Variants in NAV2 observed in about 807,000 individuals in gnomAD.
NAV2 encodes helicase, APC down-regulated 1.
Under a neutral mutation model 223.2 loss-of-function variants are expected in NAV2, and 54 were observed. That is an observed-to-expected ratio of 0.24 (90% CI 0.19 to 0.30). The LOEUF is 0.30. Ranked by LOEUF, NAV2 falls within the 10% of genes least tolerant of loss-of-function variation. The pLI is 1.00. For synonymous variants in NAV2, 1,279 were observed against 1,239.3 expected (o/e 1.03, Z -0.67); for missense variants, 2,806 against 3,147.5 (o/e 0.89, Z 2.60).
chr11:20,032,356 A>G (rs940245081), intron 11 of NAV2, among the ~76,000 whole-genome samples: 2 of 152,292 alleles, frequency 1.3e-5, no homozygotes. Flanking sequence ...AGGCACTGAT[A>G]TGGGAAGAAT....
chr11:19,552,307 G>A (rs2044714415), intron 1 of NAV2, among the ~76,000 whole-genome samples: 2 of 152,226 alleles, frequency 1.3e-5, no homozygotes. Context: ...GGAGGCGTGT[G>A]AGGCGTCTGC....
chr11:19,581,537 C>A (rs2045717391), intron 1 of NAV2, among the ~76,000 whole-genome samples: 1 of 152,098 alleles, frequency 6.6e-6, no homozygotes, highest in Non-Finnish European at 1.5e-5. Flanking sequence ...CCACAACAGG[C>A]CCCAGTGTGT....
intron 12 of NAV2, among the ~76,000 whole-genome samples, chr11:20,040,869 T>G (rs1591794934): frequency 6.6e-6 from 1 of 152,278 alleles, no homozygotes; most frequent in East Asian, 1.9e-4. Context: ...TCTCGTTTTT[T>G]AATCCCAAGG....
intron 1 of NAV2, among the ~76,000 whole-genome samples, chr11:19,454,369 G>A (rs1279157858): frequency 6.6e-6 from 1 of 152,188 alleles, no homozygotes; most frequent in Non-Finnish European, 1.5e-5. Context: ...TCCCCAAGGG[G>A]AGCTAAGAGG....
chr11:19,643,696 G>A (rs1453790918), intron 1 of NAV2, among the ~76,000 whole-genome samples: 2 of 152,094 alleles, frequency 1.3e-5, no homozygotes, highest in Admixed American at 1.3e-4. Context: ...GGGATGGCTG[G>A]GTCAAGTGGT....
intron 10 of NAV2, among the ~76,000 whole-genome samples, chr11:19,974,500 A>T (rs946411739): frequency 5.9e-5 from 9 of 152,246 alleles, no homozygotes; most frequent in Non-Finnish European, 1.2e-4. Context: ...AAATATTAAT[A>T]ATAGCCCAGG....
At chr11:19,895,646 A>AT (rs1478170554) in intron 6 of NAV2, among the ~76,000 whole-genome samples, 2 of 152,160 alleles carry the variant, frequency 1.3e-5, no homozygotes, top group African/African-American at 4.8e-5. Context: ...ATTCACAATG[A>AT]TAAAAATAAC....
chr11:19,934,228 C>G lies in NAV2; in HGVS notation c.1984C>G (p.Gln662Glu). Reference sequence around the variant, plus strand: ...CAGTGTTCAGCTACCTCAGCCCCAGCAGCAATACAACCATCCCAACACTGC... The same window carrying G: ...CAGTGTTCAGCTACCTCAGCCCCAGGAGCAATACAACCATCCCAACACTGC... ...TVSVQLPQPQQQYNHPNTATV... is the reference protein window; with the variant it reads ...TVSVQLPQPQEQYNHPNTATV... Residue 662 changes from glutamine to glutamate, a missense_variant, in exon 7 of 38, where the codon CAG (glutamine) becomes GAG (glutamate). Transcript: ENST00000349880. 1 of 1,611,762 alleles carries G rather than the reference C, an allele frequency of 6.2e-7. No homozygotes were observed. The highest frequency in any genetic ancestry group is 8.5e-7 in the Non-Finnish European group (1 of 1,178,866).
At chr11:19,482,194 A>G (rs912510377) in intron 1 of NAV2, among the ~76,000 whole-genome samples, 7 of 152,232 alleles carry the variant, frequency 4.6e-5, no homozygotes, top group South Asian at 2.1e-4. Flanking sequence ...GAAGGCAAGT[A>G]CCATGATTAT....
intron 26 of NAV2, among the ~76,000 whole-genome samples, chr11:20,088,616 A>G (rs2060611556): frequency 6.6e-6 from 1 of 152,192 alleles, no homozygotes; most frequent in Non-Finnish European, 1.5e-5. Flanking sequence ...TCTTCATTTC[A>G]GTTTGGTACC....
intron 1 of NAV2, among the ~76,000 whole-genome samples, chr11:19,395,226 A>T (rs989243356): frequency 2.6e-5 from 4 of 152,256 alleles, no homozygotes; most frequent in Admixed American, 2.0e-4. Context: ...GTGTTAGTGC[A>T]TTCACATTCC....
intron 1 of NAV2, among the ~76,000 whole-genome samples, chr11:19,459,453 C>T (rs1398717545): frequency 6.6e-6 from 1 of 152,216 alleles, no homozygotes; most frequent in Non-Finnish European, 1.5e-5. Flanking sequence ...TTTCCTTATA[C>T]CTAACCCAAT....
At chr11:19,480,069 G>C (rs1206892039) in intron 1 of NAV2, among the ~76,000 whole-genome samples, 1 of 152,176 alleles carries the variant, frequency 6.6e-6, no homozygotes, top group African/African-American at 2.4e-5. Flanking sequence ...ACAAGAGACT[G>C]TGTAGCCTGC....
chr11:19,378,788 C>T (rs1848731619), intron 1 of NAV2, among the ~76,000 whole-genome samples: 1 of 152,124 alleles, frequency 6.6e-6, no homozygotes, highest in Non-Finnish European at 1.5e-5. Flanking sequence ...TAAGGGCGTG[C>T]AGCAGCTTCT....
chr11:20,113,205 T>A (rs1592220565), intron 36 of NAV2, among the ~76,000 whole-genome samples: 2 of 152,218 alleles, frequency 1.3e-5, no homozygotes, highest in South Asian at 4.1e-4. Context: ...TCCTCATCTG[T>A]AAATCACGGA....
At chr11:19,728,137 G>A (rs1590200337) in intron 1 of NAV2, among the ~76,000 whole-genome samples, 2 of 152,282 alleles carry the variant, frequency 1.3e-5, no homozygotes, top group Admixed American at 1.3e-4. Flanking sequence ...CACATGCGTC[G>A]AGATGCTCCT....
chr11:20,051,286 CA>C lies in NAV2; in HGVS notation c.4437-2del. The C allele has an allele frequency of 6.2e-7, 1 of 1,613,882 alleles. No homozygotes were observed. The highest frequency in any genetic ancestry group is 8.5e-7 in the Non-Finnish European group (1 of 1,179,752). ...TCTTATTTTTGTTTTAACTTTCCTA[CA>C]GTGACCCGCACCTTGATAGGAACAC... is the stretch of plus-strand genomic sequence containing the variant. On this transcript the variant is annotated splice_acceptor_variant, in intron 16 of 37. Coordinates refer to ENST00000349880, the MANE Select transcript of NAV2 (RefSeq NM_145117.5). LOFTEE classifies it high-confidence loss of function.
rs138432874 is a variant in NAV2, at chr11:19,528,603, A to G, written c.75+177576A>G. On this transcript the variant is annotated intron_variant, in intron 1 of 37. Coordinates refer to the NAV2 transcript ENST00000360655. The stretch of plus-strand genomic sequence containing the variant: ...CTTTCCTTTAGCCTTCAGGCTGCCA[A>G]GTAAAAAGTCTATAAAACAGTGGTT... Among the ~76,000 whole-genome samples, 337 of 151,638 alleles carry G rather than the reference A, an allele frequency of 2.2e-3. 1 individual carries two copies. The highest frequency in any genetic ancestry group is 7.3e-3 in the African/African-American group (299 of 40,908).
At chr11:20,031,944 C>T (rs1481478667) in intron 11 of NAV2, among the ~76,000 whole-genome samples, 2 of 152,174 alleles carry the variant, frequency 1.3e-5, no homozygotes, top group Non-Finnish European at 2.9e-5. Flanking sequence ...ATTCTTATCA[C>T]AGAGCATCTG....
Sources: gnomAD v4.1 joint callset for allele counts (sites outside exome capture counted in the v4.1 genomes callset) on GRCh38, gnomAD v4.1.1 for gene constraint, MANE v1.5 for transcripts, NCBI Gene and HGNC (gene_info 2026-07-23, HGNC 2026-07-21) for gene names.